The following PIK3R4 variants were observed in gnomAD, a reference collection of about 807,000 sequenced individuals.
PIK3R4 encodes the protein phosphoinositide 3-kinase regulatory subunit 4.
A neutral mutation model predicts 136.5 loss-of-function variants in PIK3R4; 46 were observed. That is an observed-to-expected ratio of 0.34 (90% CI 0.27 to 0.43). The LOEUF (loss-of-function observed/expected upper bound fraction) is 0.43, where lower values mean the gene tolerates loss of function less well. Ranked by LOEUF, PIK3R4 falls within the 20% of genes least tolerant of loss-of-function variation. The probability of loss-of-function intolerance (pLI) is 1.00; values close to 1 mark genes in which losing one functional copy is unlikely to be tolerated. For synonymous variants in PIK3R4, 557 were observed against 566.7 expected (o/e 0.98, Z 0.24); for missense variants, 1,331 against 1,649.5 (o/e 0.81, Z 3.35).
chr3:130,701,340 C>A (rs2066573057), intron 13 of PIK3R4, among the ~76,000 whole-genome samples: 1 of 151,856 alleles, frequency 6.6e-6, no homozygotes, highest in Admixed American at 6.6e-5. Context: ...TGGCAAAACC[C>A]CTCTCTGCTA....
chr3:130,743,292 G>A (rs896273393), intron 2 of PIK3R4, among the ~76,000 whole-genome samples: 2 of 151,732 alleles, frequency 1.3e-5, no homozygotes, highest in South Asian at 2.1e-4. Flanking sequence ...GGTGGTGCAC[G>A]CCTGCAGTCC....
chr3:130,734,241 A>G, intron 3 of PIK3R4, 111 bp from the exon 4 acceptor site: 1 of 800,394 alleles, frequency 1.2e-6, no homozygotes, highest in South Asian at 1.8e-5. Flanking sequence ...TCAGAACCTG[A>G]CTGCTAAGTG....
chr3:130,725,363 GA>G (rs1001452681), intron 6 of PIK3R4, among the ~76,000 whole-genome samples: 1 of 149,122 alleles, frequency 6.7e-6, no homozygotes, highest in African/African-American at 2.5e-5. Flanking sequence ...AAACCAGTAA[GA>G]AAAAAAACAA....
intron 9 of PIK3R4, among the ~76,000 whole-genome samples, chr3:130,715,849 C>T (rs1232374113): frequency 6.6e-6 from 1 of 152,088 alleles, no homozygotes; most frequent in Non-Finnish European, 1.5e-5. Flanking sequence ...ATTACCAATG[C>T]CAAGTGTAGT....
At chr3:130,704,612 T>C (rs1245528692) in intron 12 of PIK3R4, among the ~76,000 whole-genome samples, 1 of 152,280 alleles carries the variant, frequency 6.6e-6, no homozygotes, top group South Asian at 2.1e-4. Context: ...ACTCAAAAAA[T>C]ATTTTTAAAC....
At chr3:130,744,232 G>A (rs759832512) in intron 2 of PIK3R4, among the ~76,000 whole-genome samples, 1 of 152,186 alleles carries the variant, frequency 6.6e-6, no homozygotes, top group African/African-American at 2.4e-5. Flanking sequence ...TAGCACTTAG[G>A]ACAGTGCCTG....
intron 4 of PIK3R4, among the ~76,000 whole-genome samples, chr3:130,731,328 T>C (rs2066759057): frequency 6.6e-6 from 1 of 152,154 alleles, no homozygotes; most frequent in Non-Finnish European, 1.5e-5. Flanking sequence ...CTTTCCAACA[T>C]CTCTGAAATC....
intron 14 of PIK3R4, among the ~76,000 whole-genome samples, chr3:130,687,081 T>TC (rs2107600338): frequency 6.6e-6 from 1 of 151,936 alleles, no homozygotes; most frequent in Admixed American, 6.6e-5. Flanking sequence ...GTTTTTTTTT[T>TC]TTTTTAGCAT....
intron 4 of PIK3R4, among the ~76,000 whole-genome samples, chr3:130,733,269 C>CT (rs1258059756): frequency 6.6e-6 from 1 of 152,160 alleles, no homozygotes; most frequent in African/African-American, 2.4e-5. Flanking sequence ...GAAGCACATA[C>CT]TTGTAAACAT....
chr3:130,728,614 T>A lies in PIK3R4; in HGVS notation c.1656A>T (p.Val552=). ...VTLLSDPENI[V]KQTLMENGIT... is the part of the protein sequence containing the mutation. ...TTCCATTTTCCATCAAGGTTTGTTT[T>A]ACAATATTTTCAGGGTCACTTAGCA... Residue 552 remains valine, a synonymous_variant, in exon 6 of 20, where the codon GTA becomes GTT. Transcript: ENST00000356763. 1 of 1,611,370 alleles carries A rather than the reference T, an allele frequency of 6.2e-7. No homozygotes were observed. The highest frequency in any genetic ancestry group is 8.5e-7 in the Non-Finnish European group (1 of 1,179,396).
intron 6 of PIK3R4, among the ~76,000 whole-genome samples, chr3:130,726,219 G>A (rs1433994280): frequency 6.6e-6 from 1 of 151,716 alleles, no homozygotes; most frequent in Non-Finnish European, 1.5e-5. Flanking sequence ...CTATATAAAG[G>A]AATAGTTTAG....
At chr3:130,727,340 C>CA (rs965019916) in intron 6 of PIK3R4, among the ~76,000 whole-genome samples, 13 of 99,304 alleles carry the variant, frequency 1.3e-4, no homozygotes, top group East Asian at 8.9e-4. Context: ...CCTGCCTCAG[C>CA]CCCCCTCCCG....
At chr3:130,680,921 T>C (rs576716349) in intron 18 of PIK3R4, 56 bp downstream of exon 18, 5 of 893,764 alleles carry the variant, frequency 5.6e-6, no homozygotes, top group Non-Finnish European at 8.9e-6. Flanking sequence ...GCCATCAGTA[T>C]CTATAATAAC....
At chr3:130,731,566 C>A (rs997891815) in intron 4 of PIK3R4, among the ~76,000 whole-genome samples, 1 of 152,032 alleles carries the variant, frequency 6.6e-6, no homozygotes, top group African/African-American at 2.4e-5. Context: ...GATGAATATC[C>A]CCACTTTAAT....
At chr3:130,681,110 T>G in intron 17 of PIK3R4, 45 bp from the exon 18 acceptor site, 1 of 1,039,446 alleles carries the variant, frequency 9.6e-7, no homozygotes, top group Non-Finnish European at 1.5e-6. Context: ...CATCCGTGTA[T>G]TCCATAAATG....
At chr3:130,715,259 G>C (rs2066657514) in intron 9 of PIK3R4, among the ~76,000 whole-genome samples, 2 of 152,002 alleles carry the variant, frequency 1.3e-5, no homozygotes, top group African/African-American at 4.8e-5. Context: ...GAGTAGCTGG[G>C]ATTACAGGCA....
Position 130,679,189 on chromosome 3 carries a change from C to T in PIK3R4, c.*126G>A. 1.9e-6 allele frequency: 1 copy of T among 528,260 alleles called. No individual in the cohort carries two copies. The highest frequency in any genetic ancestry group is 3.1e-6 in the Non-Finnish European group (1 of 319,182). The allele number at this position is 528,260 out of a possible 1,614,324, so 32.7% of individuals were successfully genotyped here. On this transcript the variant is annotated 3_prime_UTR_variant, in exon 20 of 20. Coordinates refer to ENST00000356763, the MANE Select transcript of PIK3R4 (RefSeq NM_014602.3). ...TTTGGGTGTCATTTAGTCAGTCAGT[C>T]ATGAAACAGTAATATGGAGACATAA... is the stretch of plus-strand genomic sequence containing the variant.
intron 13 of PIK3R4, among the ~76,000 whole-genome samples, chr3:130,695,312 T>C (rs2066540148): frequency 6.6e-6 from 1 of 152,170 alleles, no homozygotes; most frequent in Admixed American, 6.5e-5. Context: ...TCATTTATTT[T>C]TTGGAAGACT....
At position 130,686,356 on chromosome 3, in the gene PIK3R4, A is replaced by G; in HGVS notation, c.3330T>C (p.Ser1110=). The G allele has an allele frequency of 6.2e-7, 1 of 1,613,334 alleles. No individual in the cohort carries two copies. The highest frequency in any genetic ancestry group is 8.5e-7 in the Non-Finnish European group (1 of 1,179,258). ...DMHHFNSGAQ[S]VLAYATVNGS... is the part of the protein sequence containing the mutation. ...CATTCACAGTGGCATAGGCAAGAAC[A>G]GACTGTGCTCCAGAGTTGAAGTGAT... Residue 1110 remains serine, a synonymous_variant, in exon 15 of 20, where the codon TCT becomes TCC. Transcript: ENST00000356763.
Sources: allele counts gnomAD v4.1 joint callset (sites outside exome capture counted in the v4.1 genomes callset), GRCh38; gene constraint gnomAD v4.1.1; transcripts MANE v1.5; gene names NCBI Gene and HGNC (gene_info 2026-07-23, HGNC 2026-07-21).